CYTH4: variants seen among roughly 807,000 people sequenced by gnomAD.
CYTH4 encodes cytohesin 4.
A neutral mutation model predicts 57.5 loss-of-function variants in CYTH4; 22 were observed. That is an observed-to-expected ratio of 0.38 (90% CI 0.27 to 0.55). The LOEUF is 0.55. CYTH4 is among the 20% of genes least tolerant of loss of function. The pLI is 0.74. For missense variants in CYTH4, 420 were observed against 535.6 expected (o/e 0.78, Z 2.13); for synonymous variants, 186 against 206.5 (o/e 0.90, Z 0.85).
rs1929801087 is a variant in CYTH4 at position 37,314,881 on chromosome 22, C to G, written c.*1370C>G. On this transcript the variant is annotated 3_prime_UTR_variant, in exon 13 of 13. Coordinates refer to ENST00000248901, the MANE Select transcript of CYTH4 (RefSeq NM_013385.5). The stretch of plus-strand genomic sequence containing the variant: ...GAACCGCAGCTCGCGAGGCACCTCT[C>G]CTCGTCCCCACCCACCCCCACATTT... 6.5e-6 allele frequency: 1 copy of G among 154,724 alleles called. No homozygotes were observed. The highest frequency in any genetic ancestry group is 2.1e-4 in the South Asian group (1 of 4,854). 9.6% of individuals were successfully genotyped at this position (154,724 alleles called of 1,614,324 possible). A position where few individuals can be genotyped will look rare whatever the true frequency, so the allele number is the denominator to read the frequency against.
intron 7 of CYTH4, among the ~76,000 whole-genome samples, chr22:37,302,927 C>A (rs190636786): frequency 1.3e-5 from 2 of 149,448 alleles, no homozygotes; most frequent in African/African-American, 4.9e-5. Context: ...AAGGGCTCTG[C>A]GGGGAGGAGG....
At chr22:37,308,313 G>T (rs773084326) in intron 8 of CYTH4, among the ~76,000 whole-genome samples, 1 of 152,248 alleles carries the variant, frequency 6.6e-6, no homozygotes, top group African/African-American at 2.4e-5. Flanking sequence ...ACGTGTGTTT[G>T]TGTGTGTCTG....
chr22:37,290,288 T>C (rs1928704631), intron 1 of CYTH4, among the ~76,000 whole-genome samples: 1 of 152,112 alleles, frequency 6.6e-6, no homozygotes, highest in Non-Finnish European at 1.5e-5. Context: ...ATCCTCAGAA[T>C]GTTTGGATAT....
chr22:37,312,314 C>CATGGAATACGGGTGGAAGG, intron 12 of CYTH4, 140 bp downstream of exon 12: 3 of 1,227,998 alleles, frequency 2.4e-6, no homozygotes, highest in Non-Finnish European at 3.4e-6. Context: ...CCCTTCCACC[C>CATGGAATACGGGTGGAAGG]GTATTCCATG....
At chr22:37,292,457 G>A (rs748148811) in intron 1 of CYTH4, 164 bp from the exon 2 acceptor site, 1 of 629,292 alleles carries the variant, frequency 1.6e-6, no homozygotes, top group Non-Finnish European at 2.8e-6. Flanking sequence ...GAGGGAGCAG[G>A]GGCTGCTTTA....
At chr22:37,286,767 C>G (rs923966724) in intron 1 of CYTH4, among the ~76,000 whole-genome samples, 12 of 151,960 alleles carry the variant, frequency 7.9e-5, no homozygotes, top group Non-Finnish European at 1.0e-4. Flanking sequence ...CGGGGAGGGG[C>G]ACAGTGTGAG....
chr22:37,288,217 A>G (rs1928621016), intron 1 of CYTH4, among the ~76,000 whole-genome samples: 1 of 152,176 alleles, frequency 6.6e-6, no homozygotes, highest in South Asian at 2.1e-4. Context: ...GATCAAGACC[A>G]TCCTGGCCAA....
At chr22:37,312,382 C>T (rs543769101) in intron 12 of CYTH4, among the ~76,000 whole-genome samples, 117 of 152,366 alleles carry the variant, frequency 7.7e-4, no homozygotes, top group Non-Finnish European at 1.4e-3. Flanking sequence ...AAAGGAGAGA[C>T]CACCTGCATG....
chr22:37,295,113 C>G lies in CYTH4; in HGVS notation c.167+389C>G, dbSNP rs796502981. 6.6e-6 allele frequency among the ~76,000 whole-genome samples: 1 copy of G among 152,292 alleles called. No homozygotes were observed. Among genetic ancestry groups the G allele is most frequent in the African/African-American group, 2.4e-5 (1 of 41,548 alleles). The stretch of plus-strand genomic sequence containing the variant: ...GGAGGACAGGAGCCTGGCCCTACCC[C>G]ACCCCACTCACCACTAACCCCGGGC... On this transcript the variant is annotated intron_variant, in intron 3 of 12. Coordinates refer to ENST00000248901, the MANE Select transcript of CYTH4 (RefSeq NM_013385.5). This position sits in a 1 kb window ranked among gnomAD's most constrained non-coding sequence, Gnocchi z 4.1.
chr22:37,293,579 G>A (rs1455603369), intron 2 of CYTH4, among the ~76,000 whole-genome samples: 1 of 152,276 alleles, frequency 6.6e-6, no homozygotes, highest in Non-Finnish European at 1.5e-5. Flanking sequence ...GGCATGAACA[G>A]GAGCTGACAC....
At chr22:37,300,827 C>T (rs1601705073) in intron 6 of CYTH4, 80 bp from the exon 7 acceptor site, 2 of 1,164,188 alleles carry the variant, frequency 1.7e-6, no homozygotes, top group Non-Finnish European at 1.3e-6. Context: ...AGAGACTAAA[C>T]CTGGGAGAGG....
intron 8 of CYTH4, among the ~76,000 whole-genome samples, chr22:37,307,448 G>A (rs1929442982): frequency 6.6e-6 from 1 of 152,254 alleles, no homozygotes; most frequent in African/African-American, 2.4e-5. Context: ...GAATTCCCGG[G>A]GATGCACGTA....
At chr22:37,309,142 C>A in intron 8 of CYTH4, 70 bp from the exon 9 acceptor site, 2 of 1,402,782 alleles carry the variant, frequency 1.4e-6, no homozygotes, top group Non-Finnish European at 2.0e-6. Context: ...CCACACAGGC[C>A]AGGCCAGGCC....
chr22:37,284,911 G>T (rs1267746384), intron 1 of CYTH4, among the ~76,000 whole-genome samples: 3 of 151,926 alleles, frequency 2.0e-5, no homozygotes, highest in Admixed American at 6.6e-5. Context: ...AAGACAGGCA[G>T]CGCAGTTAAA....
intron 9 of CYTH4, chr22:37,309,972 CA>C (rs978413831): frequency 7.1e-5 from 33 of 467,966 alleles, no homozygotes; most frequent in African/African-American, 5.4e-4. Context: ...GCCTCCCACA[CA>C]CACTTCCGGA....
chr22:37,299,799 G>A (rs910257893), intron 6 of CYTH4, among the ~76,000 whole-genome samples: 3 of 152,138 alleles, frequency 2.0e-5, no homozygotes, highest in Non-Finnish European at 4.4e-5. Context: ...GCTCACCCCC[G>A]TGTGACCTTA....
chr22:37,285,268 C>T (rs926611131), intron 1 of CYTH4, among the ~76,000 whole-genome samples: 33 of 152,178 alleles, frequency 2.2e-4, no homozygotes, highest in Admixed American at 1.6e-3. Flanking sequence ...GCAGCACCAG[C>T]CTGTGGGCTT....
intron 9 of CYTH4, chr22:37,310,035 G>A (rs1419685521): frequency 4.3e-6 from 2 of 468,326 alleles, no homozygotes; most frequent in African/African-American, 2.0e-5. Context: ...CAGGGCAGGT[G>A]AGGACAGATG....
intron 1 of CYTH4, among the ~76,000 whole-genome samples, chr22:37,284,163 G>A (rs1928467826): frequency 6.6e-6 from 1 of 152,184 alleles, no homozygotes; most frequent in Admixed American, 6.5e-5. Flanking sequence ...CTTTGCTTCA[G>A]CCGGTACTAG....
Sources: allele counts gnomAD v4.1 joint callset (sites outside exome capture counted in the v4.1 genomes callset), GRCh38; gene constraint gnomAD v4.1.1; non-coding constraint Gnocchi (gnomAD v3.1); transcripts MANE v1.5; gene names NCBI Gene and HGNC (gene_info 2026-07-23, HGNC 2026-07-21).